The following CDH8 variants were observed in gnomAD, a reference collection of about 807,000 sequenced individuals.
CDH8 encodes the protein cadherin 8, also known as cadherin-8.
A neutral mutation model predicts 68.1 loss-of-function variants in CDH8; 17 were observed. The observed-to-expected ratio is 0.25, with a 90% CI of 0.17 to 0.37. The LOEUF is 0.37. Among genes scored for constraint, CDH8 ranks in the 10% least tolerant of loss-of-function variants. The pLI is 1.00. For synonymous variants in CDH8, 372 were observed against 365.1 expected (o/e 1.02, Z -0.21); for missense variants, 763 against 999.3 (o/e 0.76, Z 3.19).
intron 3 of CDH8, among the ~76,000 whole-genome samples, chr16:61,886,291 A>C (rs940210405): frequency 1.3e-5 from 2 of 152,296 alleles, no homozygotes; most frequent in Middle Eastern, 3.4e-3. Context: ...AGGCCCATAT[A>C]ATAATAAAAA....
At chr16:61,810,245 A>G (rs1961908719) in intron 7 of CDH8, among the ~76,000 whole-genome samples, 2 of 152,180 alleles carry the variant, frequency 1.3e-5, no homozygotes, top group South Asian at 4.1e-4. Context: ...TAAAGAAACC[A>G]TTTTAACATT....
At chr16:61,796,309 T>A (rs1242261222) in intron 7 of CDH8, among the ~76,000 whole-genome samples, 1 of 152,082 alleles carries the variant, frequency 6.6e-6, no homozygotes, top group Admixed American at 6.6e-5. Flanking sequence ...TGTTCTAATT[T>A]CTTGAGAATT....
chr16:61,723,879 G>T (rs1003777408), intron 9 of CDH8, among the ~76,000 whole-genome samples: 2 of 150,662 alleles, frequency 1.3e-5, no homozygotes, highest in African/African-American at 2.4e-5. Flanking sequence ...ATCTGCAAAT[G>T]ACTATATCAT....
chr16:61,819,292 G>T (rs1309637947), intron 6 of CDH8, among the ~76,000 whole-genome samples: 2 of 151,992 alleles, frequency 1.3e-5, no homozygotes, highest in South Asian at 2.1e-4. Context: ...TGGTGTCAAG[G>T]TGTATAGTAT....
intron 7 of CDH8, 43 bp downstream of exon 7, chr16:61,817,435 CT>C: frequency 6.2e-7 from 1 of 1,603,724 alleles, no homozygotes. Context: ...CACTGATCTG[CT>C]TGTCATTTGC....
intron 2 of CDH8, among the ~76,000 whole-genome samples, chr16:61,985,804 T>C (rs1299050220): frequency 6.6e-6 from 1 of 151,904 alleles, no homozygotes; most frequent in Admixed American, 6.6e-5. Context: ...GAAGAAAACA[T>C]TGAAGCAATA....
chr16:61,659,609 C>T (rs1963516591), intron 10 of CDH8, among the ~76,000 whole-genome samples: 2 of 152,036 alleles, frequency 1.3e-5, no homozygotes, highest in Admixed American at 6.5e-5. Context: ...GAGCCTCAAT[C>T]GCCCTTTCTC....
rs144827481 is a variant in CDH8, at chr16:61,905,030, C to T, written c.253-3557G>A. On this transcript the variant is annotated intron_variant, in intron 2 of 11. Transcript: ENST00000577390. ...AATGCCTGATGATCGGAGGTGGATT[C>T]GTTTCATCTGGAAACCAAATTCCCA... Among the ~76,000 whole-genome samples the T allele has an allele frequency of 1.1e-3, 168 of 152,312 alleles. 1 individual carries two copies. The highest frequency in any genetic ancestry group is 3.7e-3 in the African/African-American group (155 of 41,576).
chr16:61,876,376 G>T (rs1250806458), intron 3 of CDH8, among the ~76,000 whole-genome samples: 1 of 152,036 alleles, frequency 6.6e-6, no homozygotes, highest in African/African-American at 2.4e-5. Flanking sequence ...GCTGAGAGTT[G>T]CTGTTTCCTA....
chr16:61,974,209 A>G (rs905901965), intron 2 of CDH8, among the ~76,000 whole-genome samples: 14 of 152,222 alleles, frequency 9.2e-5, no homozygotes, highest in Non-Finnish European at 1.8e-4. Flanking sequence ...CTATGGAAAA[A>G]AAAGCTTTTG....
At chr16:61,778,285 T>C (rs902551010) in intron 8 of CDH8, among the ~76,000 whole-genome samples, 2 of 152,158 alleles carry the variant, frequency 1.3e-5, no homozygotes, top group Non-Finnish European at 1.5e-5. Context: ...GATGGATATA[T>C]ATGAAGCACA....
intron 8 of CDH8, among the ~76,000 whole-genome samples, chr16:61,776,619 G>A (rs1019089130): frequency 5.9e-5 from 9 of 152,032 alleles, no homozygotes; most frequent in Non-Finnish European, 1.5e-5. Flanking sequence ...GAGATTCTCT[G>A]GATTAGGTTG....
At chr16:61,910,089 T>A (rs1485808150) in intron 2 of CDH8, among the ~76,000 whole-genome samples, 1 of 152,272 alleles carries the variant, frequency 6.6e-6, no homozygotes, top group African/African-American at 2.4e-5. Context: ...ATACTTATTA[T>A]GATGAGCAAA....
chr16:61,709,319 G>C (rs1002089014), intron 10 of CDH8, among the ~76,000 whole-genome samples: 1 of 152,002 alleles, frequency 6.6e-6, no homozygotes, highest in African/African-American at 2.4e-5. Context: ...AGGTATACCT[G>C]GCTTAAGGCA....
intron 3 of CDH8, among the ~76,000 whole-genome samples, chr16:61,900,263 G>C (rs931216347): frequency 6.6e-6 from 1 of 152,048 alleles, no homozygotes; most frequent in African/African-American, 2.4e-5. Flanking sequence ...GTCTCACCTT[G>C]TTCACCTGCT....
chr16:61,679,297 C>A (rs919788555), intron 10 of CDH8, among the ~76,000 whole-genome samples: 2 of 151,982 alleles, frequency 1.3e-5, no homozygotes, highest in Non-Finnish European at 1.5e-5. Context: ...GCTTTTGCAT[C>A]CACTGTCAAA....
At chr16:62,029,684 A>G (rs575535854) in intron 1 of CDH8, among the ~76,000 whole-genome samples, 1 of 152,282 alleles carries the variant, frequency 6.6e-6, no homozygotes, top group Admixed American at 6.6e-5. Context: ...TGCCTGGTAC[A>G]TATCTTTTAC....
At chr16:61,789,025 T>C (rs1307721815) in intron 8 of CDH8, among the ~76,000 whole-genome samples, 1 of 151,234 alleles carries the variant, frequency 6.6e-6, no homozygotes, top group Non-Finnish European at 1.5e-5. Flanking sequence ...TAAATTATAG[T>C]GTACAGTTCT....
intron 7 of CDH8, among the ~76,000 whole-genome samples, chr16:61,792,582 A>G (rs1220548362): frequency 1.3e-5 from 2 of 151,970 alleles, no homozygotes; most frequent in Admixed American, 1.3e-4. Flanking sequence ...TTGGTTTCTT[A>G]TATAATGAAT....
Sources: gnomAD v4.1 joint callset for allele counts (sites outside exome capture counted in the v4.1 genomes callset) on GRCh38, gnomAD v4.1.1 for gene constraint, MANE v1.5 for transcripts, NCBI Gene and HGNC (gene_info 2026-07-23, HGNC 2026-07-21) for gene names.